ZNF678: variants seen among roughly 807,000 people sequenced by gnomAD.
The protein encoded by ZNF678 is zinc finger protein 678, also known as hypothetical protein MGC42493.
A neutral mutation model predicts 3.0 loss-of-function variants in ZNF678; 5 were observed. The observed-to-expected ratio is 1.69, with a 90% CI of 0.88 to 3.56. The LOEUF (loss-of-function observed/expected upper bound fraction) is 3.56, where lower values mean the gene tolerates loss of function less well. Ranked by LOEUF, ZNF678 falls within the 30% of genes most tolerant of loss-of-function variation. The pLI, the probability that ZNF678 is intolerant of heterozygous loss-of-function variation, is 0.00. For missense variants in ZNF678, 593 were observed against 605.0 expected, an observed-to-expected ratio of 0.98 and a Z score of 0.21; for synonymous variants, 218 against 199.6, an observed-to-expected ratio of 1.09 and a Z score of -0.78.
At position 227,646,532 on chromosome 1, in the gene ZNF678, TCC is replaced by T. The variant is rs78467777; in HGVS notation, c.-163-4_-163-3del. On this transcript the variant is annotated splice_polypyrimidine_tract_variant and intron_variant, in intron 1 of 3. Transcript: ENST00000343776. Reference sequence around the variant, plus strand: ...CATTTTGTAAATACGTGTGTATTTTTCCCCCCCCCAGGGACTACTGGCATTCA... The same window carrying T: ...CATTTTGTAAATACGTGTGTATTTTTCCCCCCCAGGGACTACTGGCATTCA... 5 of 1,294,234 alleles carry T rather than the reference TCC, an allele frequency of 3.9e-6. No individual in the cohort carries two copies. The highest frequency in any genetic ancestry group is 1.5e-5 in the African/African-American group (1 of 65,384). The allele number at this position is 1,294,234 out of a possible 1,614,324, so 80.2% of individuals were successfully genotyped here.
At chr1:227,577,923 C>T (rs575830055) in intron 1 of ZNF678, among the ~76,000 whole-genome samples, 3 of 152,220 alleles carry the variant, frequency 2.0e-5, no homozygotes, top group Admixed American at 1.3e-4. Context: ...TTTTGTAAGG[C>T]AGATCTGGTG....
In ZNF678 at chr1:227,587,332, G is replaced by GCAAAA. The variant is rs533441068; in HGVS notation, c.-164+23634_-164+23638dup. Among the ~76,000 whole-genome samples, 1,257 of 151,516 alleles carry GCAAAA rather than the reference G, an allele frequency of 8.3e-3. 19 individuals are homozygous for GCAAAA. Among genetic ancestry groups the GCAAAA allele is most frequent in the African/African-American group, 0.027 (1,112 of 41,236 alleles). On this transcript the variant is annotated intron_variant, in intron 1 of 3. Coordinates refer to ENST00000343776, the MANE Select transcript of ZNF678 (RefSeq NM_001367909.1). The stretch of plus-strand genomic sequence containing the variant: ...GCTACTGAACCAGGATATATAGGAG[G>GCAAAA]CAAAACAAAACAAAACAAAACAAAA...
intron 1 of ZNF678, among the ~76,000 whole-genome samples, chr1:227,568,255 A>G (rs1415780011): frequency 6.6e-6 from 1 of 152,156 alleles, no homozygotes; most frequent in African/African-American, 2.4e-5. Flanking sequence ...TTTTTCACAC[A>G]CAAAAAAATT....
intron 1 of ZNF678, among the ~76,000 whole-genome samples, chr1:227,624,926 A>G (rs1658371378): frequency 6.6e-6 from 1 of 152,338 alleles, no homozygotes; most frequent in South Asian, 2.1e-4. Context: ...TCGAGCCGCA[A>G]CAAACGCGGA....
intron 1 of ZNF678, among the ~76,000 whole-genome samples, chr1:227,588,195 G>A (rs897461512): frequency 2.0e-5 from 3 of 152,114 alleles, no homozygotes; most frequent in African/African-American, 7.2e-5. Flanking sequence ...GTATTCCATG[G>A]TGTGCATGTA....
At chr1:227,646,153 A>G (rs1289835157) in intron 1 of ZNF678, among the ~76,000 whole-genome samples, 1 of 152,228 alleles carries the variant, frequency 6.6e-6, no homozygotes, top group African/African-American at 2.4e-5. Flanking sequence ...TTCTGAATCA[A>G]AATCTACATT....
chr1:227,643,366 A>C (rs748065305), intron 1 of ZNF678, among the ~76,000 whole-genome samples: 5 of 152,224 alleles, frequency 3.3e-5, no homozygotes, highest in African/African-American at 4.8e-5. Context: ...ACAAACTGTG[A>C]AAGTCAGGTT....
intron 5 of ZNF678, among the ~76,000 whole-genome samples, chr1:227,671,345 T>C (rs949713119): frequency 3.9e-5 from 6 of 152,096 alleles, no homozygotes; most frequent in Admixed American, 6.5e-5. Flanking sequence ...TCTGTCAGGA[T>C]GTCCCGCCAT....
chr1:227,595,020 A>C (rs66491073), intron 1 of ZNF678, among the ~76,000 whole-genome samples: 34,412 of 152,146 alleles, frequency 0.23, 4,264 homozygotes, highest in East Asian at 0.44. Context: ...GGAAAGCCTC[A>C]GTGCTTTCGG....
chr1:227,570,477 C>T (rs1656810522), intron 1 of ZNF678, among the ~76,000 whole-genome samples: 1 of 152,162 alleles, frequency 6.6e-6, no homozygotes. Flanking sequence ...CAAAGTGACT[C>T]TTCTTGATCT....
intron 1 of ZNF678, among the ~76,000 whole-genome samples, chr1:227,612,609 T>C (rs1022936682): frequency 1.3e-5 from 2 of 152,224 alleles, no homozygotes; most frequent in Non-Finnish European, 2.9e-5. Flanking sequence ...GATAGCTTTC[T>C]ACTCCTGGGC....
downstream of ZNF678, among the ~76,000 whole-genome samples, chr1:227,664,464 C>T (rs762642858): frequency 6.6e-6 from 1 of 152,078 alleles, no homozygotes; most frequent in Non-Finnish European, 1.5e-5. Flanking sequence ...TTAATAGGAT[C>T]ACAGATGAGG....
intron 1 of ZNF678, among the ~76,000 whole-genome samples, chr1:227,632,212 C>T (rs1335552186): frequency 6.6e-6 from 1 of 151,878 alleles, no homozygotes; most frequent in Non-Finnish European, 1.5e-5. Context: ...GGGTTCATAG[C>T]CTAGTGCCTA....
At chr1:227,592,442 C>G (rs1338811682) in intron 1 of ZNF678, among the ~76,000 whole-genome samples, 1 of 152,178 alleles carries the variant, frequency 6.6e-6, no homozygotes, top group African/African-American at 2.4e-5. Flanking sequence ...TTGGCCAGGG[C>G]CCTACAGTCT....
intron 5 of ZNF678, among the ~76,000 whole-genome samples, chr1:227,675,764 ATGAAG>A (rs1216485782): frequency 1.1e-4 from 17 of 152,336 alleles, no homozygotes; most frequent in African/African-American, 3.1e-4. Flanking sequence ...GCTGGATAAA[ATGAAG>A]TGAACAACAA....
At chr1:227,629,301 A>T (rs1225851223) in intron 1 of ZNF678, among the ~76,000 whole-genome samples, 1 of 152,216 alleles carries the variant, frequency 6.6e-6, no homozygotes, top group Non-Finnish European at 1.5e-5. Flanking sequence ...AGACTTCAGG[A>T]TTAATTCCTT....
At chr1:227,644,937 T>C (rs1658918012) in intron 1 of ZNF678, among the ~76,000 whole-genome samples, 1 of 152,190 alleles carries the variant, frequency 6.6e-6, no homozygotes, top group Non-Finnish European at 1.5e-5. Flanking sequence ...TTGTGAGAGT[T>C]GAGTTCAGCC....
intron 1 of ZNF678, among the ~76,000 whole-genome samples, chr1:227,645,214 G>A (rs1031938601): frequency 8.5e-5 from 13 of 152,150 alleles, no homozygotes; most frequent in Non-Finnish European, 1.6e-4. Context: ...AGGTGAAGGA[G>A]TTGTGCTGAC....
At chr1:227,631,071 TG>T (rs1348434699) in intron 1 of ZNF678, among the ~76,000 whole-genome samples, 1 of 152,192 alleles carries the variant, frequency 6.6e-6, no homozygotes, top group Non-Finnish European at 1.5e-5. Context: ...TCTTAGCGTC[TG>T]AGGGTCAAAT....
Sources: gnomAD v4.1 joint callset for allele counts (sites outside exome capture counted in the v4.1 genomes callset) on GRCh38, gnomAD v4.1.1 for gene constraint, MANE v1.5 for transcripts, NCBI Gene and HGNC (gene_info 2026-07-23, HGNC 2026-07-21) for gene names.